The following RSPH10B2 variants were observed in gnomAD, a reference collection of about 807,000 sequenced individuals.
RSPH10B2 encodes radial spoke head 10 homolog B2, also known as radial spoke head 10 homolog B2 (Chlamydomonas).
In RSPH10B2, 9 loss-of-function variants were observed where a neutral mutation model predicts 49.0. The ratio of observed to expected loss-of-function variants is 0.18; its 90% CI spans 0.11 to 0.32. RSPH10B2 has a LOEUF of 0.32. Ranked by LOEUF, RSPH10B2 falls within the 10% of genes least tolerant of loss-of-function variation. RSPH10B2 has a pLI of 1.00. For missense variants in RSPH10B2, 95 were observed against 589.9 expected, an observed-to-expected ratio of 0.16 and a Z score of 8.69; for synonymous variants, 35 against 210.2, an observed-to-expected ratio of 0.17 and a Z score of 7.21.
At chr7:6,782,583 C>T (rs368036865) in intron 13 of RSPH10B2, among the ~76,000 whole-genome samples, 4,835 of 111,270 alleles carry the variant, frequency 0.043, 7 homozygotes, top group South Asian at 0.084. Context: ...TGAAGTGTTG[C>T]CTGATCCTAG....
At chr7:6,768,611 T>C in exon 7 of RSPH10B2, 1 of 336,352 alleles carries the variant, frequency 3.0e-6, no homozygotes. Context: ...AACACACACA[T>C]GGTTTCTAAA....
chr7:6,779,847 GC>G lies in RSPH10B2; in HGVS notation c.1529+126del, dbSNP rs753663713. ...TTTGGAGATGGAGTCTTGCTCTGTC[GC>G]CCAGGCTGGAGTGCAGTGGCACAAT... On this transcript the variant is annotated intron_variant, in intron 11 of 18. Coordinates refer to ENST00000297186, the Ensembl canonical transcript of RSPH10B2. 47 of 367,672 alleles carry G rather than the reference GC, an allele frequency of 1.3e-4. 8 individuals carry two copies. Among genetic ancestry groups the G allele is most frequent in the Non-Finnish European group, 2.1e-4 (44 of 209,172 alleles). 22.8% of individuals were successfully genotyped at this position (367,672 alleles called of 1,614,324 possible).
upstream of RSPH10B2, among the ~76,000 whole-genome samples, chr7:6,755,826 G>C (rs1451313869): frequency 2.9e-4 from 33 of 114,198 alleles, no homozygotes; most frequent in Admixed American, 7.1e-4. Context: ...CCAGCTACTC[G>C]AGAGGCTGAG....
rs776404350 is a variant in RSPH10B2 at position 6,781,468 on chromosome 7, A to G, written c.1750A>G (p.Met584Val). Residue 584 changes from methionine (M) to valine (V), a missense_variant, in exon 13 of 19, where the codon ATG becomes GTG. Transcript: ENST00000297186. Reference sequence around the variant, plus strand: ...GATGAAGATGAGACACTTCCTCTGGATGCTGAAAGTAACCACCTAAGTTCG... The same window carrying G: ...GATGAAGATGAGACACTTCCTCTGGGTGCTGAAAGTAACCACCTAAGTTCG... 7.2e-6 allele frequency: 9 copies of G among 1,252,926 alleles called. 2 individuals are homozygous for G. Among genetic ancestry groups the G allele is most frequent in the Non-Finnish European group, 9.3e-6 (9 of 964,430 alleles). 77.6% of individuals were successfully genotyped at this position (1,252,926 alleles called of 1,614,324 possible).
upstream of RSPH10B2, among the ~76,000 whole-genome samples, chr7:6,756,340 G>A (rs1781092612): frequency 8.2e-6 from 1 of 121,284 alleles, no homozygotes; most frequent in Non-Finnish European, 1.6e-5. Flanking sequence ...TCCGAATCCA[G>A]CTCTTGCACA....
chr7:6,776,889 A>T (rs1418037907), intron 10 of RSPH10B2, among the ~76,000 whole-genome samples: 21 of 139,950 alleles, frequency 1.5e-4, no homozygotes, highest in African/African-American at 3.7e-4. Flanking sequence ...ACACACACAC[A>T]CACACACACA....
chr7:6,756,228 C>A (rs1239166330), upstream of RSPH10B2, among the ~76,000 whole-genome samples: 26 of 140,754 alleles, frequency 1.8e-4, no homozygotes, highest in African/African-American at 7.1e-4. Context: ...CAAGATCGCA[C>A]CACCGCACTC....
rs1781995292 is a variant in RSPH10B2, at chr7:6,782,873, A to G, written c.1758+1397A>G. Among the ~76,000 whole-genome samples, 2 of 121,312 alleles carry G rather than the reference A, an allele frequency of 1.6e-5. 1 individual carries two copies. The highest frequency in any genetic ancestry group is 3.4e-5 in the Non-Finnish European group (2 of 58,942). 79.6% of individuals were successfully genotyped at this position (121,312 alleles called of 152,430 possible). On this transcript the variant is annotated intron_variant, in intron 13 of 18. Transcript: ENST00000297186. ...ACTCCAGTCTAGGCAACAAGAGCAG[A>G]ACTCTGTCTCAAAAAAAAACTAAGG... is the stretch of plus-strand genomic sequence containing the variant.
At chr7:6,791,374 T>C (rs1004545852) in intron 16 of RSPH10B2, among the ~76,000 whole-genome samples, 1 of 146,930 alleles carries the variant, frequency 6.8e-6, no homozygotes, top group Non-Finnish European at 1.5e-5. Flanking sequence ...TGGGGGTTTT[T>C]TTTGAGAGGC....
chr7:6,776,920 CACACACAA>C (rs1268000083), intron 10 of RSPH10B2, among the ~76,000 whole-genome samples: 7 of 132,916 alleles, frequency 5.3e-5, no homozygotes, highest in African/African-American at 1.9e-4. Context: ...CACACACACA[CACACACAA>C]AAGGCAGGGG....
At chr7:6,782,833 G>A (rs181887771) in intron 13 of RSPH10B2, among the ~76,000 whole-genome samples, 2 of 116,966 alleles carry the variant, frequency 1.7e-5, no homozygotes, top group African/African-American at 3.4e-5. Context: ...CAATGAGCTG[G>A]AATTGTGCCA....
intron 9 of RSPH10B2, among the ~76,000 whole-genome samples, chr7:6,774,745 C>CTTTTTTTT (rs1156492670): frequency 4.4e-5 from 4 of 91,852 alleles, no homozygotes; most frequent in East Asian, 4.9e-4. Flanking sequence ...GCTATATTAT[C>CTTTTTTTT]TTTTTTTTTG....
At chr7:6,792,616 G>T (rs536695202) in intron 17 of RSPH10B2, among the ~76,000 whole-genome samples, 1 of 116,180 alleles carries the variant, frequency 8.6e-6, no homozygotes, top group East Asian at 3.6e-4. Context: ...AGCCGTGTCC[G>T]TGTGAACTTC....
chr7:6,797,166 G>A (rs1199969056), intron 18 of RSPH10B2, among the ~76,000 whole-genome samples: 4 of 142,884 alleles, frequency 2.8e-5, no homozygotes, highest in East Asian at 2.0e-4. Context: ...GCACCACCAC[G>A]CCTGGCTAAT....
At chr7:6,776,919 ACACACAC>A (rs1309281856) in intron 10 of RSPH10B2, among the ~76,000 whole-genome samples, 3 of 139,968 alleles carry the variant, frequency 2.1e-5, no homozygotes, top group South Asian at 5.1e-4. Context: ...ACACACACAC[ACACACAC>A]AAAAGGCAGG....
At chr7:6,782,057 G>A (rs1286712930) in intron 13 of RSPH10B2, among the ~76,000 whole-genome samples, 1 of 110,812 alleles carries the variant, frequency 9.0e-6, no homozygotes, top group Non-Finnish European at 1.8e-5. Context: ...GGGATTACAG[G>A]TGCCCGCCAC....
intron 3 of RSPH10B2, among the ~76,000 whole-genome samples, chr7:6,763,563 A>G (rs1209710499): frequency 2.4e-5 from 3 of 126,446 alleles, no homozygotes; most frequent in African/African-American, 9.1e-5. Context: ...CTGTGATTAC[A>G]AGTGTGAGCC....
At chr7:6,790,943 C>CT (rs1782289082) in intron 16 of RSPH10B2, among the ~76,000 whole-genome samples, 1 of 48,714 alleles carries the variant, frequency 2.1e-5, no homozygotes, top group Non-Finnish European at 3.5e-5. Flanking sequence ...GAGATTCCGT[C>CT]CCAAAAAATG....
chr7:6,767,084 C>T (rs1198811021), intron 6 of RSPH10B2, among the ~76,000 whole-genome samples: 4 of 48,062 alleles, frequency 8.3e-5, no homozygotes, highest in Non-Finnish European at 1.8e-4. Context: ...CCTGCCTCAG[C>T]CTCTGGAGTA....
Sources: gnomAD v4.1 joint callset for allele counts (sites outside exome capture counted in the v4.1 genomes callset) on GRCh38, gnomAD v4.1.1 for gene constraint, MANE v1.5 for transcripts, NCBI Gene and HGNC (gene_info 2026-07-23, HGNC 2026-07-21) for gene names.